CSMD2: variants seen among roughly 807,000 people sequenced by gnomAD.
CSMD2 encodes CUB and sushi domain-containing protein 2.
In CSMD2, 130 loss-of-function variants were observed where a neutral mutation model predicts 398.5. That is an observed-to-expected ratio of 0.33 (90% CI 0.28 to 0.38). The LOEUF is 0.38. CSMD2 is among the 10% of genes least tolerant of loss of function. The probability of loss-of-function intolerance (pLI) is 1.00; values close to 1 mark genes in which losing one functional copy is unlikely to be tolerated. For synonymous variants in CSMD2, 1,828 were observed against 1,908.5 expected (o/e 0.96, Z 1.10); for missense variants, 3,829 against 4,764.9 (o/e 0.80, Z 5.78).
At chr1:34,145,181 A>G (rs1437341390) in intron 1 of CSMD2, among the ~76,000 whole-genome samples, 4 of 152,228 alleles carry the variant, frequency 2.6e-5, no homozygotes, top group African/African-American at 4.8e-5. Flanking sequence ...GACAAAGTGA[A>G]TAAGAATGAG....
intron 25 of CSMD2, among the ~76,000 whole-genome samples, chr1:33,684,280 C>G (rs1375422999): frequency 6.6e-6 from 1 of 152,146 alleles, no homozygotes; most frequent in Non-Finnish European, 1.5e-5. Context: ...TTCAGTTTTC[C>G]CTGTGTGTTA....
At chr1:33,634,765 G>A (rs1427011911) in intron 31 of CSMD2, among the ~76,000 whole-genome samples, 1 of 152,140 alleles carries the variant, frequency 6.6e-6, no homozygotes, top group African/African-American at 2.4e-5. Context: ...TTGGTTCTCA[G>A]ATGGGACACC....
intron 3 of CSMD2, among the ~76,000 whole-genome samples, chr1:33,948,468 C>T (rs1644905508): frequency 6.6e-6 from 1 of 152,194 alleles, no homozygotes; most frequent in Admixed American, 6.5e-5. Flanking sequence ...CACACATGTA[C>T]ATTCTCATAC....
At chr1:33,847,093 G>T (rs1411786281) in intron 5 of CSMD2, 97 bp from the exon 6 acceptor site, 1 of 744,870 alleles carries the variant, frequency 1.3e-6, no homozygotes, top group Non-Finnish European at 2.2e-6. Context: ...GAGTGCCAAG[G>T]CCTCAGCCCA....
chr1:33,556,660 C>T (rs751077998), intron 55 of CSMD2, among the ~76,000 whole-genome samples: 11 of 152,126 alleles, frequency 7.2e-5, no homozygotes, highest in Non-Finnish European at 1.5e-4. Context: ...TTGGCTGTGT[C>T]CCCACCCAAA....
chr1:33,896,691 T>A (rs1474854623), intron 5 of CSMD2, among the ~76,000 whole-genome samples: 1 of 152,056 alleles, frequency 6.6e-6, no homozygotes, highest in Non-Finnish European at 1.5e-5. Flanking sequence ...CTTTGAAGTG[T>A]GAGGATCTGG....
chr1:34,022,560 G>A (rs1023021039), intron 3 of CSMD2, among the ~76,000 whole-genome samples: 1 of 152,204 alleles, frequency 6.6e-6, no homozygotes, highest in East Asian at 1.9e-4. Context: ...GAGCCAAGAG[G>A]TAATAGAATA....
chr1:33,955,648 G>A (rs972229113), intron 3 of CSMD2, among the ~76,000 whole-genome samples: 2 of 152,172 alleles, frequency 1.3e-5, no homozygotes, highest in Non-Finnish European at 2.9e-5. Flanking sequence ...ATATTGTAGG[G>A]TTGTGGTGAG....
At chr1:33,706,224 T>C (rs748927932) in intron 22 of CSMD2, among the ~76,000 whole-genome samples, 2 of 152,214 alleles carry the variant, frequency 1.3e-5, no homozygotes, top group Non-Finnish European at 1.5e-5. Flanking sequence ...ATTTGGCACA[T>C]AAAGTTTTAC....
At chr1:33,978,820 G>T (rs556412402) in intron 3 of CSMD2, among the ~76,000 whole-genome samples, 1 of 152,300 alleles carries the variant, frequency 6.6e-6, no homozygotes, top group East Asian at 1.9e-4. Flanking sequence ...AACATTTATT[G>T]CATGTCTATG....
chr1:33,583,835 G>T lies in CSMD2; in HGVS notation c.7052-5C>A. The T allele has an allele frequency of 1.2e-6, 2 of 1,610,736 alleles. No individual in the cohort carries two copies. Among genetic ancestry groups the T allele is most frequent in the Non-Finnish European group, 1.7e-6 (2 of 1,178,066 alleles). On this transcript the variant is annotated splice_region_variant and splice_polypyrimidine_tract_variant and intron_variant, in intron 46 of 70. Coordinates refer to ENST00000373381, the MANE Select transcript of CSMD2 (RefSeq NM_001281956.2). ...GCTCATTTGTTGGACAGTGCACTTG[G>T]AGAAAGAAAGAGAAACACCAAGTAC...
At chr1:34,056,121 C>T (rs1461184496) in intron 2 of CSMD2, among the ~76,000 whole-genome samples, 2 of 152,224 alleles carry the variant, frequency 1.3e-5, no homozygotes, top group African/African-American at 4.8e-5. Context: ...AGCTCCTTTA[C>T]ACCACTGTTC....
Position 33,633,400 on chromosome 1 carries a change from A to C in CSMD2, c.5200+22T>G. On this transcript the variant is annotated intron_variant, in intron 32 of 70. Coordinates refer to ENST00000373381, the MANE Select transcript of CSMD2 (RefSeq NM_001281956.2). This position sits in a 1 kb window ranked among gnomAD's most constrained non-coding sequence, Gnocchi z 5.0. The stretch of plus-strand genomic sequence containing the variant: ...ATGCCCCCGGCCCACAACCATCCCC[A>C]CACTGGCCGAGCCCCGGATACCTGT... The C allele has an allele frequency of 6.5e-7, 1 of 1,527,890 alleles. No individual in the cohort carries two copies. Among genetic ancestry groups the C allele is most frequent in the East Asian group, 2.5e-5 (1 of 40,814 alleles). The allele number at this position is 1,527,890 out of a possible 1,614,324, so 94.6% of individuals were successfully genotyped here.
chr1:33,970,132 G>C (rs1431541402), intron 3 of CSMD2, among the ~76,000 whole-genome samples: 1 of 149,824 alleles, frequency 6.7e-6, no homozygotes, highest in Non-Finnish European at 1.5e-5. Context: ...GAAAAGAAAA[G>C]GCAGAAATTC....
At chr1:33,955,504 A>G (rs1645138819) in intron 3 of CSMD2, among the ~76,000 whole-genome samples, 1 of 152,134 alleles carries the variant, frequency 6.6e-6, no homozygotes, top group African/African-American at 2.4e-5. Flanking sequence ...TCATTACTAG[A>G]AAGGCATTCA....
intron 53 of CSMD2, among the ~76,000 whole-genome samples, chr1:33,562,730 T>C (rs2148666504): frequency 6.6e-6 from 1 of 152,302 alleles, no homozygotes; most frequent in South Asian, 2.1e-4. Context: ...TTGAGTGAAA[T>C]AGATTATGAG....
chr1:33,606,235 T>C (rs936438182), intron 41 of CSMD2, among the ~76,000 whole-genome samples: 5 of 152,128 alleles, frequency 3.3e-5, no homozygotes, highest in Admixed American at 1.3e-4. Flanking sequence ...GTGGCAGTAA[T>C]TGCGCCCACT....
chr1:34,149,673 C>G (rs756731007), intron 1 of CSMD2, among the ~76,000 whole-genome samples: 1 of 152,220 alleles, frequency 6.6e-6, no homozygotes, highest in African/African-American at 2.4e-5. Context: ...AATGCTAATG[C>G]GTGCCTTTGG....
At chr1:34,081,568 G>A (rs1367363392) in intron 2 of CSMD2, among the ~76,000 whole-genome samples, 3 of 152,214 alleles carry the variant, frequency 2.0e-5, no homozygotes, top group East Asian at 1.9e-4. Context: ...GCAGGCGCGC[G>A]CCGCCACGCC....
Sources: gnomAD v4.1 joint callset for allele counts (sites outside exome capture counted in the v4.1 genomes callset) on GRCh38, gnomAD v4.1.1 for gene constraint, Gnocchi (gnomAD v3.1) non-coding constraint, MANE v1.5 for transcripts, NCBI Gene and HGNC (gene_info 2026-07-23, HGNC 2026-07-21) for gene names.